The following UMOD variants were observed in gnomAD, a reference collection of about 807,000 sequenced individuals.
UMOD encodes uromodulin.
UMOD carries 64 observed loss-of-function variants against 66.0 expected under a neutral mutation model. That is an observed-to-expected ratio of 0.97 (90% confidence interval 0.79 to 1.19). The LOEUF (loss-of-function observed/expected upper bound fraction) is 1.19, where lower values mean the gene tolerates loss of function less well. Ranked by LOEUF, UMOD falls within the 50% of genes most tolerant of loss-of-function variation. UMOD has a pLI of 0.00. For missense variants in UMOD, 764 were observed against 850.9 expected (o/e 0.90, Z 1.27); for synonymous variants, 398 against 352.7 (o/e 1.13, Z -1.44).
At chr16:20,347,294 A>G (rs1174834676) in intron 4 of UMOD, among the ~76,000 whole-genome samples, 1 of 152,152 alleles carries the variant, frequency 6.6e-6, no homozygotes, top group Non-Finnish European at 1.5e-5. Flanking sequence ...AAGTGCTGGG[A>G]TTACAGGCAT....
In UMOD at chr16:20,336,726, G is replaced by A. The variant is rs143641292; in HGVS notation, c.1742C>T (p.Thr581Ile). The A allele has an allele frequency of 1.2e-6, 2 of 1,614,042 alleles. No individual in the cohort carries two copies. Among genetic ancestry groups the A allele is most frequent in the South Asian group, 1.1e-5 (1 of 91,070 alleles). The change falls in exon 9 of 11, where the codon ACC becomes ATC. Residue 581 changes from threonine (T) to isoleucine (I), a missense_variant and splice_region_variant. Thr to Ile is a moderately conservative substitution (Grantham distance 89, BLOSUM62 -1). Coordinates refer to ENST00000396138, the MANE Select transcript of UMOD (RefSeq NM_003361.4). ...ACTTCGGAATCTGGTCCCAGAGCAG[G>A]TCTACAGGGAGAGGGCAATAGAAAA... is the stretch of plus-strand genomic sequence containing the variant. ...CDTMNEKCKPTCSGTRFRSGS... is the reference protein window; with the variant it reads ...CDTMNEKCKPICSGTRFRSGS...
intron 2 of UMOD, chr16:20,349,666 A>T: frequency 6.9e-7 from 1 of 1,453,794 alleles, no homozygotes; most frequent in Non-Finnish European, 9.1e-7. Context: ...TCTTCTTTTA[A>T]AATAGCCACA....
At chr16:20,335,454 TCC>T (rs1964817085) in intron 10 of UMOD, 26 bp downstream of exon 10, 1 of 1,612,738 alleles carries the variant, frequency 6.2e-7, no homozygotes, top group Non-Finnish European at 8.5e-7. Flanking sequence ...CTGGAACAGG[TCC>T]CACTGCAGAA....
rs752681709 is a variant in UMOD at position 20,348,605 on chromosome 16, A to G, written c.696T>C (p.Asn232=). The change falls in exon 3 of 11, where the codon AAT becomes AAC. Residue 232 remains asparagine, a synonymous_variant. Transcript: ENST00000396138. ...RCNTAAPMWL[N]GTHPSSDEGI... is the part of the protein sequence containing the mutation. ...CCTCGTCGCTGGACGGATGCGTGCCATTGAGCCACATGGGGGCGGCCGTGT... is the reference window on the plus strand; with the variant it reads ...CCTCGTCGCTGGACGGATGCGTGCCGTTGAGCCACATGGGGGCGGCCGTGT... 1 of 1,588,856 alleles carries G rather than the reference A, an allele frequency of 6.3e-7. No homozygotes were observed. Among genetic ancestry groups the G allele is most frequent in the Admixed American group, 1.7e-5 (1 of 57,864 alleles).
At chr16:20,355,214 G>A (rs1369643029), upstream of UMOD, among the ~76,000 whole-genome samples, 2 of 151,954 alleles carry the variant, frequency 1.3e-5, no homozygotes, top group Non-Finnish European at 2.9e-5. Context: ...ATAACAAGTT[G>A]TCAGTGGCCA....
intron 6 of UMOD, 41 bp downstream of exon 6, chr16:20,343,983 T>C (rs772053943): frequency 6.8e-6 from 11 of 1,611,780 alleles, no homozygotes; most frequent in Non-Finnish European, 9.3e-6. Context: ...GGTTTGGGGT[T>C]AGAACCATCT....
chr16:20,348,591 G>T lies in UMOD; in HGVS notation c.710C>A (p.Ser237Tyr). The T allele has an allele frequency of 1.3e-6, 2 of 1,592,388 alleles. No homozygotes were observed. The highest frequency in any genetic ancestry group is 1.7e-6 in the Non-Finnish European group (2 of 1,174,454). Reference sequence around the variant, plus strand: ...GCGGCTCACGATGCCCTCGTCGCTGGACGGATGCGTGCCATTGAGCCACAT... The same window carrying T: ...GCGGCTCACGATGCCCTCGTCGCTGTACGGATGCGTGCCATTGAGCCACAT... The part of the protein sequence containing the change: ...APMWLNGTHP[S>Y]SDEGIVSRKA... The change falls in exon 3 of 11, where the codon TCC becomes TAC. Residue 237 changes from serine to tyrosine, a missense_variant. Coordinates refer to ENST00000396138, the MANE Select transcript of UMOD (RefSeq NM_003361.4).
chr16:20,344,186 TGGGGGTGGAGG>T lies in UMOD; in HGVS notation c.1183-25_1183-15del. On this transcript the variant is annotated splice_polypyrimidine_tract_variant and intron_variant, in intron 5 of 10. Coordinates refer to ENST00000396138, the MANE Select transcript of UMOD (RefSeq NM_003361.4). ...GGTTTCATTCCTCTGTTGCAGGGAATGGGGGTGGAGGGGGGGTGGGGATGAGAGAAAGGGGC... is the reference window on the plus strand; with the variant it reads ...GGTTTCATTCCTCTGTTGCAGGGAATGGGGGTGGGGATGAGAGAAAGGGGC... 1.2e-4 allele frequency: 68 copies of T among 564,314 alleles called. No homozygotes were observed. Among genetic ancestry groups the T allele is most frequent in the Non-Finnish European group, 1.7e-4 (60 of 351,496 alleles). The allele number at this position is 564,314 out of a possible 1,614,324, so 35.0% of individuals were successfully genotyped here.
Position 20,341,199 on chromosome 16 carries a change from A to G in UMOD, c.1469T>C (p.Met490Thr), listed in dbSNP as rs759469913. The G allele has an allele frequency of 2.1e-5, 34 of 1,613,892 alleles. No individual in the cohort carries two copies. The highest frequency in any genetic ancestry group is 2.5e-5 in the Non-Finnish European group (29 of 1,180,002). Residue 490 changes from methionine (M) to threonine (T), a missense_variant, in exon 7 of 11, where the codon ATG becomes ACG. Physicochemically the swap from Met to Thr is moderately conservative, Grantham distance 81. Coordinates refer to ENST00000396138, the MANE Select transcript of UMOD (RefSeq NM_003361.4). Reference sequence around the variant, plus strand: ...TCGGGACAGGTCGCCCCCATCCAACATGGTGCCCACGTAGAGAAAAGCCTC... The same window carrying G: ...TCGGGACAGGTCGCCCCCATCCAACGTGGTGCCCACGTAGAGAAAAGCCTC... Reference protein sequence around the residue: ...STEAFLYVGTMLDGGDLSRFA... With the variant: ...STEAFLYVGTTLDGGDLSRFA...
intron 7 of UMOD, among the ~76,000 whole-genome samples, 165 bp from the exon 8 acceptor site, chr16:20,337,618 G>A (rs181145949): frequency 8.5e-4 from 129 of 152,234 alleles, no homozygotes; most frequent in African/African-American, 2.7e-3. Context: ...AGAAATGATC[G>A]CAGCCCATGT....
At chr16:20,344,925 C>T (rs959046510) in intron 5 of UMOD, among the ~76,000 whole-genome samples, 3 of 152,218 alleles carry the variant, frequency 2.0e-5, no homozygotes, top group Non-Finnish European at 2.9e-5. Context: ...GCACCCCGTG[C>T]TTCCTCTCTT....
intron 5 of UMOD, among the ~76,000 whole-genome samples, chr16:20,345,898 G>A (rs1256713903): frequency 6.6e-6 from 1 of 152,174 alleles, no homozygotes; most frequent in Non-Finnish European, 1.5e-5. Context: ...TGTTTATTGA[G>A]CACTTACTGT....
At chr16:20,341,049 G>A in intron 7 of UMOD, 42 bp downstream of exon 7, 5 of 1,568,764 alleles carry the variant, frequency 3.2e-6, no homozygotes, top group Non-Finnish European at 4.4e-6. Flanking sequence ...GACCCCCTCT[G>A]AATTCTACCC....
At chr16:20,334,885 G>A (rs1459027142) in intron 10 of UMOD, among the ~76,000 whole-genome samples, 1 of 149,436 alleles carries the variant, frequency 6.7e-6, no homozygotes, top group East Asian at 2.0e-4. Flanking sequence ...AGGCTGGAGT[G>A]CAGTGGCGTG....
At position 20,347,436 on chromosome 16, in the gene UMOD, T is replaced by A. The variant is rs546915927; in HGVS notation, c.973+787A>T. Among the ~76,000 whole-genome samples the A allele has an allele frequency of 1.1e-4, 17 of 152,372 alleles. No individual in the cohort carries two copies. In the South Asian group the frequency reaches 3.5e-3, roughly 32 times the overall value. Reference sequence around the variant, plus strand: ...TTTAAAAATTGAAGTATTTTTCTAATTTTTAGTATTTATTTTTTAAAATTT... The same window carrying A: ...TTTAAAAATTGAAGTATTTTTCTAAATTTTAGTATTTATTTTTTAAAATTT... On this transcript the variant is annotated intron_variant, in intron 4 of 10. Transcript: ENST00000396138.
chr16:20,346,451 C>G, intron 4 of UMOD, 117 bp from the exon 5 acceptor site: 1 of 991,062 alleles, frequency 1.0e-6, no homozygotes, highest in Non-Finnish European at 1.6e-6. Context: ...CTCAGCATAG[C>G]CTTGAGCTGA....
At chr16:20,340,066 C>A (rs1329356918) in intron 7 of UMOD, among the ~76,000 whole-genome samples, 1 of 152,148 alleles carries the variant, frequency 6.6e-6, no homozygotes, top group African/African-American at 2.4e-5. Flanking sequence ...AGTTTCTTAC[C>A]ATTTTTTGAA....
At chr16:20,334,092 C>T (rs1964747554) in intron 10 of UMOD, among the ~76,000 whole-genome samples, 1 of 149,748 alleles carries the variant, frequency 6.7e-6, no homozygotes, top group African/African-American at 2.5e-5. Context: ...ATCCAGGTAC[C>T]AGTAGCTGTT....
At chr16:20,354,312 A>C (rs924766064), upstream of UMOD, among the ~76,000 whole-genome samples, 2 of 152,170 alleles carry the variant, frequency 1.3e-5, no homozygotes, top group African/African-American at 4.8e-5. Flanking sequence ...TCTGGGTCAA[A>C]GAGGTAGCAC....
Sources: allele counts gnomAD v4.1 joint callset (sites outside exome capture counted in the v4.1 genomes callset), GRCh38; gene constraint gnomAD v4.1.1; transcripts MANE v1.5; gene names NCBI Gene and HGNC (gene_info 2026-07-23, HGNC 2026-07-21).